Variants in TSPAN19 observed in about 807,000 individuals in gnomAD.
TSPAN19 encodes the protein tetraspanin 19.
A neutral mutation model predicts 35.1 loss-of-function variants in TSPAN19; 44 were observed. The ratio of observed to expected loss-of-function variants is 1.25; its 90% CI spans 0.98 to 1.61. The LOEUF is 1.61. TSPAN19 is among the 40% of genes most tolerant of loss of function. TSPAN19 has a pLI of 0.00. For missense variants in TSPAN19, 290 were observed against 280.0 expected (o/e 1.04, Z -0.26); for synonymous variants, 79 against 92.0 (o/e 0.86, Z 0.81).
intron 8 of TSPAN19, chr12:85,015,664 C>T: frequency 5.2e-6 from 2 of 387,670 alleles, no homozygotes; most frequent in Non-Finnish European, 9.1e-6. Context: ...AGGTACTATA[C>T]ATAGTAATAA....
rs1877817662 is a variant in TSPAN19, at chr12:85,034,388, TAACAAAG to T, written c.-28+1809_-28+1815del. On this transcript the variant is annotated intron_variant, in intron 1 of 8. Transcript: ENST00000532498. Reference sequence around the variant, plus strand: ...TCAAAGGAATATTAGTCTTGTCAGATAACAAAGAACAAACAGTTATCTCTCATTCTTT... The same window carrying T: ...TCAAAGGAATATTAGTCTTGTCAGATAACAAACAGTTATCTCTCATTCTTT... Among the ~76,000 whole-genome samples, 6 of 152,274 alleles carry T rather than the reference TAACAAAG, an allele frequency of 3.9e-5. No homozygotes were observed. In the South Asian group the frequency reaches 1.2e-3, roughly 32 times the overall value.
At chr12:85,024,251 T>C (rs1297826245) in intron 4 of TSPAN19, among the ~76,000 whole-genome samples, 1 of 152,186 alleles carries the variant, frequency 6.6e-6, no homozygotes, top group Non-Finnish European at 1.5e-5. Flanking sequence ...CTTATCTGAA[T>C]TACTGCAGTC....
At chr12:85,029,651 A>G in intron 3 of TSPAN19, 68 bp downstream of exon 3, 1 of 1,193,154 alleles carries the variant, frequency 8.4e-7, no homozygotes, top group South Asian at 1.5e-5. Flanking sequence ...TGCTGAATAA[A>G]TTGTGTATAC....
At position 85,014,362 on chromosome 12, in the gene TSPAN19, C is replaced by T. The variant is rs1358441851; in HGVS notation, c.*125G>A. ...TATAGTATTCAGTAATTCAATATTA[C>T]ATATAATTAATAATTTGAATACATC... On this transcript the variant is annotated 3_prime_UTR_variant, in exon 9 of 9. Coordinates refer to ENST00000532498, the MANE Select transcript of TSPAN19 (RefSeq NM_001100917.2). 2 of 600,178 alleles carry T rather than the reference C, an allele frequency of 3.3e-6. No homozygotes were observed. The highest frequency in any genetic ancestry group is 5.8e-6 in the Non-Finnish European group (2 of 345,206). 37.2% of individuals were successfully genotyped at this position (600,178 alleles called of 1,614,324 possible). A position where few individuals can be genotyped will look rare whatever the true frequency, so the allele number is the denominator to read the frequency against.
chr12:85,027,856 A>C, intron 4 of TSPAN19, 43 bp downstream of exon 4: 1 of 1,524,328 alleles, frequency 6.6e-7, no homozygotes, highest in Non-Finnish European at 8.8e-7. Flanking sequence ...AGATACTTAA[A>C]AATCTAAGAC....
intron 1 of TSPAN19, among the ~76,000 whole-genome samples, chr12:85,031,983 CT>C (rs1416103903): frequency 6.6e-6 from 1 of 151,976 alleles, no homozygotes; most frequent in Non-Finnish European, 1.5e-5. Context: ...TTGGATTAAG[CT>C]TTAATATGCT....
intron 4 of TSPAN19, among the ~76,000 whole-genome samples, chr12:85,023,760 G>T (rs1877252307): frequency 6.6e-6 from 1 of 152,082 alleles, no homozygotes; most frequent in African/African-American, 2.4e-5. Flanking sequence ...CTAAATTTCT[G>T]ATGTACTATT....
chr12:85,019,870 C>A, intron 5 of TSPAN19, 134 bp from the exon 6 acceptor site: 2 of 547,350 alleles, frequency 3.7e-6, no homozygotes, highest in East Asian at 3.1e-5. Context: ...CTGTTTATTT[C>A]TTTTTAAAAT....
intron 4 of TSPAN19, among the ~76,000 whole-genome samples, chr12:85,025,098 C>T (rs973639353): frequency 6.6e-6 from 1 of 150,388 alleles, no homozygotes; most frequent in Non-Finnish European, 1.5e-5. Context: ...TAATCTTATA[C>T]TAATAAGGGA....
chr12:85,025,355 C>A (rs765764752), intron 4 of TSPAN19, among the ~76,000 whole-genome samples: 8 of 151,380 alleles, frequency 5.3e-5, no homozygotes, highest in Non-Finnish European at 1.0e-4. Flanking sequence ...AGGCTGGTCT[C>A]CAACTACTGG....
In TSPAN19 at chr12:85,017,728, T is replaced by C. The variant is rs1026409442; in HGVS notation, c.451-129A>G. ...TTTTTCCCCATGAACATGTAATGAA[T>C]TAAATAAGTATATCTGTGCTTGTTT... On this transcript the variant is annotated intron_variant, in intron 6 of 8. Transcript: ENST00000532498. The C allele has an allele frequency of 6.2e-6, 4 of 646,510 alleles. No homozygotes were observed. The African/African-American group carries it at 7.5e-5, about 12-fold the overall frequency. The allele number at this position is 646,510 out of a possible 1,614,324, so 40.0% of individuals were successfully genotyped here.
chr12:85,034,700 T>C (rs1877847716), intron 1 of TSPAN19, among the ~76,000 whole-genome samples: 2 of 152,222 alleles, frequency 1.3e-5, no homozygotes. Flanking sequence ...AATTTACTTA[T>C]AATCTACAAA....
chr12:85,028,151 G>T (rs985790049), intron 3 of TSPAN19, 128 bp from the exon 4 acceptor site: 6 of 684,142 alleles, frequency 8.8e-6, no homozygotes, highest in Admixed American at 3.9e-5. Context: ...CAAACCACTA[G>T]GATTCTCTGT....
intron 5 of TSPAN19, among the ~76,000 whole-genome samples, chr12:85,022,762 G>C (rs565143149): frequency 6.6e-6 from 1 of 152,124 alleles, no homozygotes; most frequent in Non-Finnish European, 1.5e-5. Flanking sequence ...AAAAGTAACT[G>C]TAGGTTGTAA....
In TSPAN19 at chr12:85,029,783, T is replaced by C. The variant is rs1472897764; in HGVS notation, c.75A>G (p.Gly25=). The C allele has an allele frequency of 1.9e-5, 29 of 1,541,618 alleles. No individual in the cohort carries two copies. Among genetic ancestry groups the C allele is most frequent in the Non-Finnish European group, 2.4e-5 (28 of 1,144,632 alleles). The part of the protein sequence containing the change: ...NLINGAFLVL[G]LLFMGFGAWL... ...ATGCACCAAATCCCATGAATAAAAG[T>C]CCAAGAACCTAAAAAAAGAAAGTCA... Residue 25 remains glycine (G), a synonymous_variant, in exon 3 of 9, where the codon GGA becomes GGG. Transcript: ENST00000532498.
chr12:85,031,869 T>C (rs1400306348), intron 1 of TSPAN19, among the ~76,000 whole-genome samples: 1 of 151,858 alleles, frequency 6.6e-6, no homozygotes, highest in Non-Finnish European at 1.5e-5. Flanking sequence ...AAGGCAACCA[T>C]GTACCCAGGA....
Position 85,024,950 on chromosome 12 carries a change from A to G in TSPAN19, c.265-1550T>C, listed in dbSNP as rs145261460. Among the ~76,000 whole-genome samples the G allele has an allele frequency of 6.2e-3, 940 of 152,170 alleles. 5 individuals carry two copies. The highest frequency in any genetic ancestry group is 0.021 in the Middle Eastern group (6 of 290). Reference sequence around the variant, plus strand: ...CATATTTTATACATCTAATACTTTAAAATATCTGACCAAAATTTTCTTCTT... The same window carrying G: ...CATATTTTATACATCTAATACTTTAGAATATCTGACCAAAATTTTCTTCTT... On this transcript the variant is annotated intron_variant, in intron 4 of 8. Transcript: ENST00000532498.
chr12:85,033,350 A>AT (rs886686128), intron 1 of TSPAN19, among the ~76,000 whole-genome samples: 64 of 150,604 alleles, frequency 4.2e-4, no homozygotes, highest in African/African-American at 5.4e-4. Context: ...TTTACTAAAG[A>AT]TTTTTTTTTT....
chr12:85,017,729 T>A, intron 6 of TSPAN19, 130 bp from the exon 7 acceptor site: 1 of 635,952 alleles, frequency 1.6e-6, no homozygotes, highest in African/African-American at 1.9e-5. Context: ...TGTAATGAAT[T>A]AAATAAGTAT....
Sources: allele counts gnomAD v4.1 joint callset (sites outside exome capture counted in the v4.1 genomes callset), GRCh38; gene constraint gnomAD v4.1.1; transcripts MANE v1.5; gene names NCBI Gene and HGNC (gene_info 2026-07-23, HGNC 2026-07-21).